The following RORB variants were observed in gnomAD, a reference collection of about 807,000 sequenced individuals.
The protein encoded by RORB is RAR related orphan receptor B, also known as nuclear receptor ROR-beta.
In RORB, 6 loss-of-function variants were observed where a neutral mutation model predicts 59.1. The observed-to-expected ratio is 0.10, with a 90% CI of 0.06 to 0.20. RORB has a LOEUF of 0.20. Ranked by LOEUF, RORB falls within the 10% of genes least tolerant of loss-of-function variation. The probability of loss-of-function intolerance (pLI) is 1.00; values close to 1 mark genes in which losing one functional copy is unlikely to be tolerated. For synonymous variants in RORB, 215 were observed against 204.5 expected, an observed-to-expected ratio of 1.05 and a Z score of -0.44; for missense variants, 320 against 560.5, an observed-to-expected ratio of 0.57 and a Z score of 4.33.
At chr9:74,676,060 G>T (rs546115245) in intron 9 of RORB, among the ~76,000 whole-genome samples, 5 of 152,224 alleles carry the variant, frequency 3.3e-5, no homozygotes, top group Non-Finnish European at 4.4e-5. Flanking sequence ...GGGCCAAGTT[G>T]TGGCAGTGTG....
chr9:74,676,822 C>A (rs1270876694), intron 9 of RORB, among the ~76,000 whole-genome samples: 1 of 152,242 alleles, frequency 6.6e-6, no homozygotes, highest in Non-Finnish European at 1.5e-5. Flanking sequence ...ATGTCCTAAC[C>A]ACACACCTGC....
At chr9:74,641,399 T>C (rs749984306) in intron 3 of RORB, among the ~76,000 whole-genome samples, 9 of 152,184 alleles carry the variant, frequency 5.9e-5, no homozygotes, top group African/African-American at 9.7e-5. Context: ...CCAGAAGAGA[T>C]AGGAAAAATA....
chr9:74,497,703 G>A lies in RORB; in HGVS notation c.-274G>A. 2.0e-6 allele frequency: 1 copy of A among 508,820 alleles called. No homozygotes were observed. The highest frequency in any genetic ancestry group is 3.5e-6 in the Non-Finnish European group (1 of 285,660). The allele number at this position is 508,820 out of a possible 1,614,324, so 31.5% of individuals were successfully genotyped here. A position where few individuals can be genotyped will look rare whatever the true frequency, so the allele number is the denominator to read the frequency against. On this transcript the variant is annotated 5_prime_UTR_variant, in exon 1 of 10. Transcript: ENST00000376896. ...CAAAACAAAACCCAGGCACCAGACA[G>A]CCAGAACATTTTTTTTTCACCCTTC... is the stretch of plus-strand genomic sequence containing the variant.
chr9:74,611,988 G>A (rs1425184783), intron 1 of RORB, among the ~76,000 whole-genome samples: 1 of 152,062 alleles, frequency 6.6e-6, no homozygotes, highest in Non-Finnish European at 1.5e-5. Flanking sequence ...GTTAGACACT[G>A]GGAGACACAC....
intron 3 of RORB, among the ~76,000 whole-genome samples, chr9:74,636,180 A>T (rs1333587690): frequency 6.6e-6 from 1 of 152,174 alleles, no homozygotes; most frequent in Non-Finnish European, 1.5e-5. Context: ...AGGATTAAGT[A>T]GTTTTTGATA....
At chr9:74,608,147 T>A (rs1690564265) in intron 1 of RORB, among the ~76,000 whole-genome samples, 1 of 152,132 alleles carries the variant, frequency 6.6e-6, no homozygotes, top group African/African-American at 2.4e-5. Context: ...TGAACAAATG[T>A]CAAAATTTAA....
At chr9:74,592,976 A>G (rs1041330107) in intron 1 of RORB, among the ~76,000 whole-genome samples, 1 of 152,106 alleles carries the variant, frequency 6.6e-6, no homozygotes, top group African/African-American at 2.4e-5. Context: ...CCTTGTATCC[A>G]TAGACCGTTT....
intron 1 of RORB, among the ~76,000 whole-genome samples, chr9:74,520,534 G>T (rs1416943191): frequency 6.6e-6 from 1 of 151,714 alleles, no homozygotes; most frequent in African/African-American, 2.4e-5. Context: ...AATTAAATAA[G>T]GCAATAAATA....
At chr9:74,659,825 A>C (rs898211988) in intron 4 of RORB, among the ~76,000 whole-genome samples, 1 of 152,320 alleles carries the variant, frequency 6.6e-6, no homozygotes, top group Admixed American at 6.5e-5. Flanking sequence ...ACAATGTGAA[A>C]TACAACTCGA....
chr9:74,624,777 A>C (rs988508279), intron 1 of RORB, among the ~76,000 whole-genome samples: 4 of 152,216 alleles, frequency 2.6e-5, no homozygotes, highest in Admixed American at 2.6e-4. Context: ...GATGAGATAC[A>C]ACTTGGGCTA....
chr9:74,670,797 A>G (rs1824333590), intron 8 of RORB, among the ~76,000 whole-genome samples: 1 of 152,156 alleles, frequency 6.6e-6, no homozygotes, highest in African/African-American at 2.4e-5. Context: ...AGGGGAACTT[A>G]ATGTATTCTG....
intron 2 of RORB, among the ~76,000 whole-genome samples, chr9:74,633,572 GGA>G (rs1269048202): frequency 6.6e-6 from 1 of 152,126 alleles, no homozygotes; most frequent in Non-Finnish European, 1.5e-5. Flanking sequence ...GAGTAATTAG[GGA>G]AATCGATTAC....
rs1478918210 is a variant in RORB, at chr9:74,688,113, G to A, written c.*2495G>A. Reference sequence around the variant, plus strand: ...AAAGATTGTTCCCCACATTTACCTTGGGAGGTACTGCTTTGAATTTGTGTT... The same window carrying A: ...AAAGATTGTTCCCCACATTTACCTTAGGAGGTACTGCTTTGAATTTGTGTT... On this transcript the variant is annotated 3_prime_UTR_variant, in exon 10 of 10. Transcript: ENST00000376896. The A allele has an allele frequency of 6.6e-6, 1 of 152,140 alleles. No individual in the cohort carries two copies. Among genetic ancestry groups the A allele is most frequent in the African/African-American group, 2.4e-5 (1 of 41,412 alleles). 9.4% of individuals were successfully genotyped at this position (152,140 alleles called of 1,614,324 possible). A position where few individuals can be genotyped will look rare whatever the true frequency, so the allele number is the denominator to read the frequency against.
chr9:74,576,163 T>C (rs999825256), intron 1 of RORB, among the ~76,000 whole-genome samples: 2 of 152,110 alleles, frequency 1.3e-5, no homozygotes, highest in Admixed American at 6.6e-5. Flanking sequence ...ATAAAATACT[T>C]GTTAGGTTTG....
intron 5 of RORB, among the ~76,000 whole-genome samples, chr9:74,661,024 G>A (rs568219049): frequency 1.9e-4 from 29 of 152,296 alleles, no homozygotes; most frequent in South Asian, 1.7e-3. Flanking sequence ...TACAGAGACC[G>A]TGCCTTCATC....
intron 2 of RORB, among the ~76,000 whole-genome samples, chr9:74,633,017 G>T (rs1723429369): frequency 6.6e-6 from 1 of 152,070 alleles, no homozygotes. Flanking sequence ...AGCCAGTTGG[G>T]ACTCTCTCTC....
intron 1 of RORB, among the ~76,000 whole-genome samples, chr9:74,584,600 T>C (rs1822770735): frequency 6.6e-6 from 1 of 152,214 alleles, no homozygotes; most frequent in Admixed American, 6.5e-5. Flanking sequence ...AGGTTATCTG[T>C]TGGTTCTCAG....
chr9:74,584,891 GC>G (rs1392486842), intron 1 of RORB, among the ~76,000 whole-genome samples: 2 of 152,264 alleles, frequency 1.3e-5, no homozygotes, highest in East Asian at 3.9e-4. Context: ...ACTAGGACTG[GC>G]TATCAATGGA....
chr9:74,583,223 G>A (rs1366727416), intron 1 of RORB, among the ~76,000 whole-genome samples: 1 of 152,078 alleles, frequency 6.6e-6, no homozygotes, highest in Non-Finnish European at 1.5e-5. Context: ...TATTGCCTCA[G>A]TAGATGGTTA....
Sources: gnomAD v4.1 joint callset for allele counts (sites outside exome capture counted in the v4.1 genomes callset) on GRCh38, gnomAD v4.1.1 for gene constraint, MANE v1.5 for transcripts, NCBI Gene and HGNC (gene_info 2026-07-23, HGNC 2026-07-21) for gene names.